The following AGBL4 variants were observed in gnomAD, a reference collection of about 807,000 sequenced individuals.
AGBL4 encodes the protein AGBL carboxypeptidase 4.
AGBL4 carries 58 observed loss-of-function variants against 66.4 expected under a neutral mutation model. The ratio of observed to expected loss-of-function variants is 0.87; its 90% CI spans 0.71 to 1.09. AGBL4 has a LOEUF of 1.09. AGBL4 is among the 50% of genes least tolerant of loss of function. The pLI is 0.00. For synonymous variants in AGBL4, 234 were observed against 222.9 expected, an observed-to-expected ratio of 1.05 and a Z score of -0.44; for missense variants, 579 against 631.0, an observed-to-expected ratio of 0.92 and a Z score of 0.88.
chr1:49,153,208 T>A (rs1454741678), intron 4 of AGBL4, among the ~76,000 whole-genome samples: 1 of 152,102 alleles, frequency 6.6e-6, no homozygotes, highest in Admixed American at 6.6e-5. Context: ...TGGACTGACA[T>A]AGGGAGGCAT....
At chr1:49,260,599 C>A (rs1653044098) in intron 3 of AGBL4, among the ~76,000 whole-genome samples, 2 of 152,228 alleles carry the variant, frequency 1.3e-5, no homozygotes, top group South Asian at 4.1e-4. Context: ...CCTCCCAAGA[C>A]TAAACCAGGA....
At chr1:49,174,422 C>T (rs1328636355) in intron 4 of AGBL4, among the ~76,000 whole-genome samples, 1 of 152,096 alleles carries the variant, frequency 6.6e-6, no homozygotes, top group African/African-American at 2.4e-5. Context: ...GCTTCTATTT[C>T]TCCCATAAAA....
At chr1:49,492,102 C>T (rs561660292) in intron 3 of AGBL4, among the ~76,000 whole-genome samples, 9 of 151,908 alleles carry the variant, frequency 5.9e-5, no homozygotes, top group Non-Finnish European at 1.0e-4. Flanking sequence ...ATGATACATG[C>T]CTACCTAATG....
intron 5 of AGBL4, among the ~76,000 whole-genome samples, chr1:49,023,562 C>A (rs565489520): frequency 4.6e-4 from 70 of 152,250 alleles, no homozygotes; most frequent in African/African-American, 1.2e-3. Flanking sequence ...CCACAATAAT[C>A]ATTATTTGTT....
chr1:49,545,907 G>T (rs1391896637), intron 3 of AGBL4, among the ~76,000 whole-genome samples: 1 of 152,048 alleles, frequency 6.6e-6, no homozygotes, highest in Non-Finnish European at 1.5e-5. Flanking sequence ...ATAAGTTATG[G>T]GAGTACAGGT....
chr1:48,776,917 T>C, intron 6 of AGBL4: 1 of 358,484 alleles, frequency 2.8e-6, no homozygotes. Context: ...GGCGCGAGTC[T>C]CGCTACGGTG....
chr1:49,492,369 C>T (rs144617796), intron 3 of AGBL4, among the ~76,000 whole-genome samples: 1 of 151,968 alleles, frequency 6.6e-6, no homozygotes, highest in Non-Finnish European at 1.5e-5. Context: ...CTATTCAGAA[C>T]AGCTTGAAAT....
chr1:48,961,774 A>G (rs981256156), intron 5 of AGBL4, among the ~76,000 whole-genome samples: 11 of 152,230 alleles, frequency 7.2e-5, no homozygotes, highest in Non-Finnish European at 1.5e-4. Flanking sequence ...AGCAGTTAGA[A>G]CAATATGAAC....
chr1:49,404,015 G>A (rs1645143313), intron 3 of AGBL4, among the ~76,000 whole-genome samples: 1 of 152,060 alleles, frequency 6.6e-6, no homozygotes, highest in Non-Finnish European at 1.5e-5. Context: ...AGGTTAAAAT[G>A]TAAAAATCAT....
intron 3 of AGBL4, among the ~76,000 whole-genome samples, chr1:49,354,343 G>C (rs1643975009): frequency 6.6e-6 from 1 of 152,216 alleles, no homozygotes; most frequent in African/African-American, 2.4e-5. Context: ...TTTAACCGTT[G>C]ATCACTGTTG....
At chr1:48,527,132 G>A in the AGBL4 span, among the ~76,000 whole-genome samples, 3 of 152,074 alleles carry the variant, frequency 2.0e-5, no homozygotes, top group African/African-American at 4.8e-5. Flanking sequence ...TAGAATTTTC[G>A]ATTTGAGATT....
At chr1:49,547,442 T>C (rs1052719524) in intron 3 of AGBL4, among the ~76,000 whole-genome samples, 7 of 152,162 alleles carry the variant, frequency 4.6e-5, no homozygotes, top group African/African-American at 1.7e-4. Flanking sequence ...AGTGTGATGC[T>C]TCCAGATTTG....
intron 3 of AGBL4, among the ~76,000 whole-genome samples, chr1:49,384,776 T>A (rs189105058): frequency 2.0e-5 from 3 of 152,208 alleles, no homozygotes; most frequent in African/African-American, 7.2e-5. Flanking sequence ...GTGGAGAAAT[T>A]GGAAACTTTG....
chr1:48,590,691 C>G, intron 10 of AGBL4, 142 bp downstream of exon 10: 1 of 951,820 alleles, frequency 1.1e-6, no homozygotes. Flanking sequence ...TCTTGTTTAC[C>G]TCTATCTTCA....
At chr1:48,698,034 G>A (rs1001343257) in intron 6 of AGBL4, among the ~76,000 whole-genome samples, 1 of 152,190 alleles carries the variant, frequency 6.6e-6, no homozygotes, top group African/African-American at 2.4e-5. Flanking sequence ...TCCTAAGGCT[G>A]GGCCATGGCT....
chr1:49,741,809 A>C (rs1031285756), intron 2 of AGBL4, among the ~76,000 whole-genome samples: 1 of 152,220 alleles, frequency 6.6e-6, no homozygotes, highest in Non-Finnish European at 1.5e-5. Flanking sequence ...CCATATGATT[A>C]TCTCAATAGA....
rs1643918593 is a variant in AGBL4 at position 48,533,182 on chromosome 1, G to A, written c.*991C>T. On this transcript the variant is annotated 3_prime_UTR_variant, in exon 14 of 14. Coordinates refer to ENST00000371839, the MANE Select transcript of AGBL4 (RefSeq NM_032785.4). ...GTCATTTTAATTAGCAGGCTGTCAT[G>A]GTGACTCAGCCTGCTGTTTCCACAG... The A allele has an allele frequency of 1.3e-5, 2 of 152,064 alleles. No homozygotes were observed. The highest frequency in any genetic ancestry group is 4.8e-5 in the African/African-American group (2 of 41,392). The allele number at this position is 152,064 out of a possible 1,614,324, so 9.4% of individuals were successfully genotyped here.
At chr1:48,748,211 C>G (rs1274025967) in intron 6 of AGBL4, among the ~76,000 whole-genome samples, 1 of 152,178 alleles carries the variant, frequency 6.6e-6, no homozygotes, top group Non-Finnish European at 1.5e-5. Flanking sequence ...GCCTCCGGAG[C>G]TGGGTAGGAG....
chr1:48,744,998 G>A (rs1209761319), intron 6 of AGBL4, among the ~76,000 whole-genome samples: 2 of 22,446 alleles, frequency 8.9e-5, no homozygotes, highest in Non-Finnish European at 5.6e-4. Context: ...TCCCAGGTAG[G>A]GGGGGTCTCT....
Sources: gnomAD v4.1 joint callset for allele counts (sites outside exome capture counted in the v4.1 genomes callset) on GRCh38, gnomAD v4.1.1 for gene constraint, MANE v1.5 for transcripts, NCBI Gene and HGNC (gene_info 2026-07-23, HGNC 2026-07-21) for gene names.